FAM20A: variants seen among roughly 807,000 people sequenced by gnomAD.
FAM20A encodes FAM20A golgi associated secretory pathway pseudokinase.
FAM20A carries 42 observed loss-of-function variants against 52.0 expected under a neutral mutation model. The observed-to-expected ratio is 0.81, with a 90% CI of 0.63 to 1.04. The LOEUF is 1.04. Ranked by LOEUF, FAM20A falls within the 50% of genes least tolerant of loss-of-function variation. The pLI is 0.00. For missense variants in FAM20A, 742 were observed against 712.7 expected, an observed-to-expected ratio of 1.04 and a Z score of -0.47; for synonymous variants, 304 against 298.9, an observed-to-expected ratio of 1.02 and a Z score of -0.18.
At chr17:68,541,113 A>G (rs2086270181) in intron 7 of FAM20A, 155 bp from the exon 8 acceptor site, 1 of 1,101,136 alleles carries the variant, frequency 9.1e-7, no homozygotes, top group African/African-American at 1.6e-5. Context: ...CTGGGCAAGG[A>G]CGCGTAAGGC....
chr17:68,548,566 A>C (rs1228507151), intron 4 of FAM20A, among the ~76,000 whole-genome samples: 1 of 151,976 alleles, frequency 6.6e-6, no homozygotes, highest in East Asian at 1.9e-4. Flanking sequence ...AGAATTACCA[A>C]ATGTGACACA....
At chr17:68,541,130 T>G in intron 7 of FAM20A, 172 bp from the exon 8 acceptor site, 1 of 871,100 alleles carries the variant, frequency 1.1e-6, no homozygotes. Context: ...AGGCTGCATA[T>G]TCCGTGTGGT....
intron 1 of FAM20A, among the ~76,000 whole-genome samples, chr17:68,556,149 A>G (rs1320068973): frequency 1.3e-5 from 2 of 152,174 alleles, no homozygotes; most frequent in East Asian, 3.9e-4. Context: ...ATTTCCCAGT[A>G]TTTTATGTTC....
In FAM20A at chr17:68,600,296, C is replaced by T. The variant is rs371387813; in HGVS notation, c.371G>A (p.Arg124Gln). The stretch of plus-strand genomic sequence containing the variant: ...GCGGGCCACCTTCCTCCGGTAATAC[C>T]GCAGCGCCTCCTGGCTGGCCAGGAG... ...DSLLASQEAL[R>Q]YYRRKVARWN... The change falls in exon 1 of 11, where the codon CGG (arginine) becomes CAG (glutamine). Residue 124 changes from arginine (R) to glutamine (Q), a missense_variant. Arg to Gln is a conservative substitution (Grantham distance 43, BLOSUM62 1). Coordinates refer to ENST00000592554, the MANE Select transcript of FAM20A (RefSeq NM_017565.4). This position sits in a 1 kb window ranked among gnomAD's most constrained non-coding sequence, Gnocchi z 6.2. 6.3e-6 allele frequency: 10 copies of T among 1,578,480 alleles called. No individual in the cohort carries two copies. In the East Asian group the frequency reaches 1.2e-4, roughly 19 times the overall value.
chr17:68,535,878 G>A lies in FAM20A; in HGVS notation c.*1599C>T. ...ATACTGTTGGGTTTTGTGTTACAGT[G>A]AAAAGAAGACTTTGGAATAGGTCTA... On this transcript the variant is annotated 3_prime_UTR_variant, in exon 11 of 11. Coordinates refer to ENST00000592554, the MANE Select transcript of FAM20A (RefSeq NM_017565.4). The A allele has an allele frequency of 2.2e-6, 1 of 453,984 alleles. No individual in the cohort carries two copies. Among genetic ancestry groups the A allele is most frequent in the Non-Finnish European group, 4.4e-6 (1 of 226,770 alleles). The allele number at this position is 453,984 out of a possible 1,614,324, so 28.1% of individuals were successfully genotyped here. A position where few individuals can be genotyped will look rare whatever the true frequency, so the allele number is the denominator to read the frequency against.
chr17:68,574,972 G>T (rs2087685119), intron 1 of FAM20A: 1 of 152,196 alleles, frequency 6.6e-6, no homozygotes, highest in African/African-American at 2.4e-5. Context: ...ACAGAGAAAA[G>T]AGGATGAGGC....
At chr17:68,596,374 G>A (rs1445424966) in intron 1 of FAM20A, among the ~76,000 whole-genome samples, 1 of 152,204 alleles carries the variant, frequency 6.6e-6, no homozygotes, top group African/African-American at 2.4e-5. Context: ...GACCTTGCCT[G>A]TCGAGACCAG....
chr17:68,559,159 A>G (rs1330644601), intron 1 of FAM20A, among the ~76,000 whole-genome samples: 1 of 152,238 alleles, frequency 6.6e-6, no homozygotes, highest in African/African-American at 2.4e-5. Context: ...AGTTTGTGGC[A>G]ATTTGTACTC....
chr17:68,541,831 C>T lies in FAM20A; in HGVS notation c.1109+154G>A. 11 of 894,488 alleles carry T rather than the reference C, an allele frequency of 1.2e-5. No homozygotes were observed. The South Asian group carries it at 1.7e-4, about 14-fold the overall frequency. The allele number at this position is 894,488 out of a possible 1,614,324, so 55.4% of individuals were successfully genotyped here. A position where few individuals can be genotyped will look rare whatever the true frequency, so the allele number is the denominator to read the frequency against. Reference sequence around the variant, plus strand: ...TAAATGAACTAAAGGGGAGAACAGACCCAGGCCTGCTGATCCCAGGATCAA... The same window carrying T: ...TAAATGAACTAAAGGGGAGAACAGATCCAGGCCTGCTGATCCCAGGATCAA... On this transcript the variant is annotated intron_variant, in intron 7 of 10. Coordinates refer to ENST00000592554, the MANE Select transcript of FAM20A (RefSeq NM_017565.4).
intron 4 of FAM20A, among the ~76,000 whole-genome samples, chr17:68,546,922 AAAC>A (rs1401969636): frequency 2.6e-5 from 4 of 152,164 alleles, no homozygotes; most frequent in Non-Finnish European, 5.9e-5. Flanking sequence ...GCAGGCATGA[AAAC>A]AACATTAGTC....
intron 1 of FAM20A, among the ~76,000 whole-genome samples, chr17:68,558,112 A>C (rs2087105819): frequency 6.6e-6 from 1 of 152,094 alleles, no homozygotes; most frequent in South Asian, 2.1e-4. Flanking sequence ...GGCTTTGAAG[A>C]CCCACTATTG....
At chr17:68,542,397 T>C (rs750288659) in intron 6 of FAM20A, among the ~76,000 whole-genome samples, 3 of 152,212 alleles carry the variant, frequency 2.0e-5, no homozygotes, top group African/African-American at 4.8e-5. Flanking sequence ...ATTCTATCCT[T>C]ATGAGTAGAA....
In FAM20A at chr17:68,557,884, T is replaced by C. The variant is rs60688166; in HGVS notation, c.405-2141A>G. Among the ~76,000 whole-genome samples the C allele has an allele frequency of 7.3e-3, 1,115 of 152,294 alleles. 13 individuals carry two copies. Among genetic ancestry groups the C allele is most frequent in the African/African-American group, 0.025 (1,058 of 41,566 alleles). On this transcript the variant is annotated intron_variant, in intron 1 of 10. Coordinates refer to ENST00000592554, the MANE Select transcript of FAM20A (RefSeq NM_017565.4). ...TTTATGGTAAGCAGGATTCTAAAAC[T>C]GGCCTCTAAGATTCCATGCCCTCAT...
chr17:68,549,964 C>A (rs569095396), intron 4 of FAM20A, among the ~76,000 whole-genome samples: 1 of 152,350 alleles, frequency 6.6e-6, no homozygotes, highest in South Asian at 2.1e-4. Flanking sequence ...TATATTCAGT[C>A]CTGGCATAGT....
chr17:68,552,002 G>T, intron 3 of FAM20A, 51 bp from the exon 4 acceptor site: 3 of 1,210,182 alleles, frequency 2.5e-6, no homozygotes, highest in Non-Finnish European at 3.6e-6. Flanking sequence ...CTCAGCCAAG[G>T]CTTGTGACTC....
intron 3 of FAM20A, among the ~76,000 whole-genome samples, chr17:68,552,356 T>C (rs1029791021): frequency 3.9e-5 from 6 of 152,238 alleles, no homozygotes; most frequent in Non-Finnish European, 7.3e-5. Context: ...CCTTTCCTCT[T>C]TGTGTTTCAA....
chr17:68,549,436 G>A (rs915465801), intron 4 of FAM20A, among the ~76,000 whole-genome samples: 1 of 151,694 alleles, frequency 6.6e-6, no homozygotes. Flanking sequence ...CGAGGTTGCA[G>A]TGAGCCGAGA....
chr17:68,543,689 A>T lies in FAM20A; in HGVS notation c.752T>A (p.Phe251Tyr), dbSNP rs753208818. Residue 251 changes from phenylalanine to tyrosine, a missense_variant, in exon 5 of 11, where the codon TTC (phenylalanine) becomes TAC (tyrosine). Transcript: ENST00000592554. ...TCTCTGAAAGTCAATGAAGTAGAAG[A>T]AGTCCACTGGTGTCTCCTCATCTCG... The part of the protein sequence containing the change: ...QQRDEETPVD[F>Y]FYFIDFQRHN... The T allele has an allele frequency of 1.5e-5, 25 of 1,614,154 alleles. No homozygotes were observed. Among genetic ancestry groups the T allele is most frequent in the East Asian group, 4.5e-5 (2 of 44,880 alleles).
intron 7 of FAM20A, 57 bp from the exon 8 acceptor site, chr17:68,541,015 G>T: frequency 6.5e-7 from 1 of 1,548,940 alleles, no homozygotes; most frequent in Non-Finnish European, 8.7e-7. Flanking sequence ...GGTGTCGGGG[G>T]TCTCCCCACA....
Sources: gnomAD v4.1 joint callset for allele counts (sites outside exome capture counted in the v4.1 genomes callset) on GRCh38, gnomAD v4.1.1 for gene constraint, Gnocchi (gnomAD v3.1) non-coding constraint, MANE v1.5 for transcripts, NCBI Gene and HGNC (gene_info 2026-07-23, HGNC 2026-07-21) for gene names.